NUP62CL: variants seen among roughly 807,000 people sequenced by gnomAD.
NUP62CL encodes the protein nucleoporin 62 C-terminal like, also known as nucleoporin-62 C-terminal-like protein.
A neutral mutation model predicts 15.3 loss-of-function variants in NUP62CL; 13 were observed. That is an observed-to-expected ratio of 0.85 (90% CI 0.55 to 1.35). The LOEUF (loss-of-function observed/expected upper bound fraction) is 1.35, where lower values mean the gene tolerates loss of function less well. Among genes scored for constraint, NUP62CL ranks in the 40% most tolerant of loss-of-function variants. The pLI is 0.00. For missense variants in NUP62CL, 123 were observed against 130.6 expected (o/e 0.94, Z 0.28); for synonymous variants, 54 against 49.2 (o/e 1.10, Z -0.41).
intron 8 of NUP62CL, among the ~76,000 whole-genome samples, chrX:107,143,724 T>C (rs1925827022): frequency 8.9e-6 from 1 of 112,192 alleles, no homozygotes; most frequent in Non-Finnish European, 1.9e-5. Context: ...ATTTGTATTG[T>C]TAAAATAACA....
At chrX:107,198,124 C>T (rs971267552) in intron 1 of NUP62CL, among the ~76,000 whole-genome samples, 5 of 111,631 alleles carry the variant, frequency 4.5e-5, no homozygotes, top group Non-Finnish European at 5.6e-5. Context: ...AATCAGCACT[C>T]TGTCTAGCTA....
chrX:107,152,651 T>C (rs1170057344), intron 7 of NUP62CL, among the ~76,000 whole-genome samples: 1 of 111,886 alleles, frequency 8.9e-6, no homozygotes, highest in Non-Finnish European at 1.9e-5. Context: ...ACTGAAGAGT[T>C]CACAAATAAA....
At position 107,147,728 on chromosome X, in the gene NUP62CL, C is replaced by T. The variant is rs748033733; in HGVS notation, c.*42+15G>A. 6.7e-6 allele frequency: 7 copies of T among 1,037,807 alleles called. No individual in the cohort carries two copies. Among genetic ancestry groups the T allele is most frequent in the Non-Finnish European group, 8.1e-6 (6 of 739,535 alleles). 85.5% of individuals were successfully genotyped at this position (1,037,807 alleles called of 1,213,427 possible). A position where few individuals can be genotyped will look rare whatever the true frequency, so the allele number is the denominator to read the frequency against. On this transcript the variant is annotated intron_variant, in intron 8 of 8. Coordinates refer to ENST00000372466, the MANE Select transcript of NUP62CL (RefSeq NM_017681.3). ...TGCAATAAATACACAGAGTGGCATA[C>T]AAGCAAACTCCCACCTGAATTCCGA...
At chrX:107,162,300 G>C (rs1261533985) in intron 4 of NUP62CL, among the ~76,000 whole-genome samples, 1 of 108,103 alleles carries the variant, frequency 9.3e-6, no homozygotes, top group Non-Finnish European at 1.9e-5. Context: ...AAGAGAGAAT[G>C]GGACTGAAAA....
chrX:107,190,827 T>C, intron 2 of NUP62CL, among the ~76,000 whole-genome samples: 1 of 109,815 alleles, frequency 9.1e-6, no homozygotes, highest in Non-Finnish European at 1.9e-5. Flanking sequence ...GAAACAATAT[T>C]GAAACTGGTG....
intron 8 of NUP62CL, chrX:107,132,335 A>G (rs1373459422): frequency 1.6e-6 from 1 of 639,973 alleles, no homozygotes; most frequent in Non-Finnish European, 2.4e-6. Context: ...TTCTTACATA[A>G]AAATAATTGC....
chrX:107,189,926 A>AAAGC lies in NUP62CL; in HGVS notation c.-48+3102_-48+3103insGCTT, dbSNP rs1569365695. On this transcript the variant is annotated intron_variant, in intron 2 of 8. Transcript: ENST00000372466. ...GAAAGAAAGAAAGAAAGAAAGAAAG[A>AAAGC]AAGAAAGAAAGAAAGAAAGAGAATC... 2.8e-5 allele frequency among the ~76,000 whole-genome samples: 3 copies of AAAGC among 107,941 alleles called. No individual in the cohort carries two copies. In the Admixed American group the frequency reaches 3.0e-4, roughly 11 times the overall value. 93.7% of individuals were successfully genotyped at this position (107,941 alleles called of 115,157 possible).
intron 4 of NUP62CL, among the ~76,000 whole-genome samples, chrX:107,163,845 C>T (rs1263825759): frequency 9.0e-6 from 1 of 110,999 alleles, no homozygotes; most frequent in African/African-American, 3.3e-5. Flanking sequence ...ACAAGAAAGC[C>T]TCAAAATACA....
chrX:107,172,603 G>A (rs769201854), intron 3 of NUP62CL, among the ~76,000 whole-genome samples: 45 of 111,023 alleles, frequency 4.1e-4, no homozygotes, highest in African/African-American at 1.2e-3. Flanking sequence ...CTAACTGGCA[G>A]AAACAAATTT....
chrX:107,145,029 C>T lies in NUP62CL; in HGVS notation c.*42+2714G>A, dbSNP rs769979901. Among the ~76,000 whole-genome samples the T allele has an allele frequency of 5.4e-5, 6 of 111,706 alleles. No individual in the cohort carries two copies. In the South Asian group the frequency reaches 2.3e-3, roughly 42 times the overall value. On this transcript the variant is annotated intron_variant, in intron 8 of 8. Coordinates refer to ENST00000372466, the MANE Select transcript of NUP62CL (RefSeq NM_017681.3). ...CAACAATTAAGTGGTAATGCCTTGA[C>T]TTGAACCCGTATCTATCTGACTTAG...
rs1339124847 is a variant in NUP62CL, at chrX:107,167,731, T to C, written c.112A>G (p.Ile38Val). The change falls in exon 4 of 9, where the codon ATC (isoleucine) becomes GTC (valine). Residue 38 changes from isoleucine (I) to valine (V), a missense_variant. Transcript: ENST00000372466. ...ATFTTNTTTT[I>V]TSGFTVNQNQ... ...TGGTTCACAGTAAAGCCACTGGTGA[T>C]TGTGGTAGTAGTGTTGGTGGTGAAA... 15 of 1,204,847 alleles carry C rather than the reference T, an allele frequency of 1.2e-5. No homozygotes were observed. Among genetic ancestry groups the C allele is most frequent in the Middle Eastern group, 4.6e-4 (2 of 4,343 alleles).
At chrX:107,125,384 T>C (rs182717567) in intron 8 of NUP62CL, among the ~76,000 whole-genome samples, 9 of 111,168 alleles carry the variant, frequency 8.1e-5, no homozygotes, top group Non-Finnish European at 1.7e-4. Context: ...AAAGTTATAT[T>C]TGGTTTTTTA....
intron 1 of NUP62CL, among the ~76,000 whole-genome samples, chrX:107,201,834 A>G (rs1927493062): frequency 9.0e-6 from 1 of 110,741 alleles, no homozygotes; most frequent in Non-Finnish European, 1.9e-5. Flanking sequence ...CCTACTCCAG[A>G]GGCTGAGGTG....
At chrX:107,178,630 A>G (rs1441275922) in intron 2 of NUP62CL, among the ~76,000 whole-genome samples, 2 of 111,964 alleles carry the variant, frequency 1.8e-5, no homozygotes, top group Non-Finnish European at 3.8e-5. Flanking sequence ...TGCACCTATT[A>G]TTGCCTGCAT....
In NUP62CL at chrX:107,195,886, TTATG is replaced by T. The variant is rs755797893; in HGVS notation, c.-91-2818_-91-2815del. On this transcript the variant is annotated intron_variant, in intron 1 of 8. Transcript: ENST00000372466. ...TATAGGTTTTATAACATATAATTAT[TTATG>T]TGTTATATGTTTTAATATACATGAT... Among the ~76,000 whole-genome samples, 188 of 111,451 alleles carry T rather than the reference TTATG, an allele frequency of 1.7e-3. 1 individual carries two copies. Among genetic ancestry groups the T allele is most frequent in the African/African-American group, 5.7e-3 (174 of 30,786 alleles).
chrX:107,199,067 G>T (rs764806705), intron 1 of NUP62CL, among the ~76,000 whole-genome samples: 23 of 111,612 alleles, frequency 2.1e-4, no homozygotes, highest in Admixed American at 1.9e-3. Context: ...AATAAATGAT[G>T]GTCATTTCAG....
chrX:107,161,997 A>T (rs1197439472), intron 4 of NUP62CL, among the ~76,000 whole-genome samples: 5 of 109,282 alleles, frequency 4.6e-5, no homozygotes, highest in Non-Finnish European at 9.5e-5. Context: ...ATTTTCTTAA[A>T]ACAAATGAAA....
chrX:107,204,795 T>TATTTAAATAAATTTTAAATA (rs1491301862), intron 1 of NUP62CL, among the ~76,000 whole-genome samples: 1 of 89,860 alleles, frequency 1.1e-5, no homozygotes, highest in Non-Finnish European at 2.0e-5. Context: ...TTAAATAAAT[T>TATTTAAATAAATTTTAAATA]ATTTAAATAA....
intron 7 of NUP62CL, among the ~76,000 whole-genome samples, chrX:107,148,158 T>A (rs1385194084): frequency 1.8e-5 from 2 of 111,624 alleles, no homozygotes; most frequent in Non-Finnish European, 3.8e-5. Context: ...AGCAATTTTT[T>A]AAAAATGGTC....
Sources: allele counts gnomAD v4.1 joint callset (sites outside exome capture counted in the v4.1 genomes callset), GRCh38; gene constraint gnomAD v4.1.1; transcripts MANE v1.5; gene names NCBI Gene and HGNC (gene_info 2026-07-23, HGNC 2026-07-21).